TTC23L: variants seen among roughly 807,000 people sequenced by gnomAD.
The protein encoded by TTC23L is tetratricopeptide repeat domain 23 like.
TTC23L carries 42 observed loss-of-function variants against 48.1 expected under a neutral mutation model. The observed-to-expected ratio is 0.87, with a 90% CI of 0.68 to 1.13. TTC23L has a LOEUF of 1.13. Ranked by LOEUF, TTC23L falls within the 50% of genes most tolerant of loss-of-function variation. The pLI is 0.00. For synonymous variants in TTC23L, 159 were observed against 157.2 expected, an observed-to-expected ratio of 1.01 and a Z score of -0.09; for missense variants, 391 against 421.0, an observed-to-expected ratio of 0.93 and a Z score of 0.62.
At chr5:34,844,344 G>C (rs1758936213) in intron 2 of TTC23L, among the ~76,000 whole-genome samples, 2 of 150,114 alleles carry the variant, frequency 1.3e-5, no homozygotes, top group Admixed American at 6.7e-5. Flanking sequence ...TAGAACTCTA[G>C]AAGGATATTA....
the TTC23L span, chr5:34,922,804 C>T: frequency 1.3e-6 from 2 of 1,569,370 alleles, no homozygotes; most frequent in Admixed American, 1.7e-5. Flanking sequence ...GTCTAATTTT[C>T]TTATCTGGCA....
chr5:34,922,563 A>C, the TTC23L span: 1 of 1,609,676 alleles, frequency 6.2e-7, no homozygotes, highest in Non-Finnish European at 8.5e-7. Flanking sequence ...CTCACGGACC[A>C]TCTGCTAAAT....
the TTC23L span, chr5:34,915,253 C>A: frequency 3.3e-6 from 1 of 302,048 alleles, no homozygotes; most frequent in Non-Finnish European, 6.2e-6. Flanking sequence ...CGGTTTTGTG[C>A]AGCCCGCGCC....
the TTC23L span, chr5:34,920,176 C>T: frequency 2.1e-5 from 4 of 189,632 alleles, no homozygotes; most frequent in African/African-American, 9.3e-5. Context: ...AGTAGGTACT[C>T]AAAAAATTAT....
At chr5:34,905,034 C>A in the TTC23L span, among the ~76,000 whole-genome samples, 3 of 152,156 alleles carry the variant, frequency 2.0e-5, no homozygotes, top group Non-Finnish European at 4.4e-5. Context: ...AATCTCTGGA[C>A]GTGACTGAGA....
chr5:34,891,923 C>T (rs1762890166), intron 9 of TTC23L, among the ~76,000 whole-genome samples: 1 of 152,148 alleles, frequency 6.6e-6, no homozygotes, highest in African/African-American at 2.4e-5. Flanking sequence ...ATTTTTCTTT[C>T]TGTAAATTAC....
downstream of TTC23L, among the ~76,000 whole-genome samples, chr5:34,902,964 T>TA (rs796794601): frequency 0.016 from 2,298 of 144,156 alleles, 47 homozygotes; most frequent in Admixed American, 0.049. Context: ...TGACTGACAT[T>TA]AAAAAAAAAA....
intron 8 of TTC23L, among the ~76,000 whole-genome samples, chr5:34,872,391 A>G (rs1168747561): frequency 6.6e-6 from 1 of 152,222 alleles, no homozygotes; most frequent in African/African-American, 2.4e-5. Flanking sequence ...AATTGTCAAA[A>G]TTTTAAAAAA....
chr5:34,880,433 A>G (rs779510692), intron 9 of TTC23L, 125 bp downstream of exon 9: 14 of 1,024,756 alleles, frequency 1.4e-5, no homozygotes, highest in Non-Finnish European at 1.9e-5. Context: ...CAAGAACCAC[A>G]TTGTTTCATT....
the TTC23L span, chr5:34,914,785 G>C: frequency 6.2e-7 from 1 of 1,614,196 alleles, no homozygotes; most frequent in Admixed American, 1.7e-5. Flanking sequence ...CATGTTCTCG[G>C]AAATGAATAG....
At chr5:34,907,341 A>G in the TTC23L span, 2 of 152,222 alleles carry the variant, frequency 1.3e-5, no homozygotes, top group Admixed American at 6.5e-5. Context: ...AGGGCCAGAA[A>G]GGCTAAATGA....
At chr5:34,865,443 C>T (rs1262367272) in intron 6 of TTC23L, among the ~76,000 whole-genome samples, 1 of 152,224 alleles carries the variant, frequency 6.6e-6, no homozygotes, top group Non-Finnish European at 1.5e-5. Flanking sequence ...AAATTACAGT[C>T]TGGTGAATGT....
chr5:34,861,627 A>G (rs1353576863), intron 4 of TTC23L: 1 of 152,234 alleles, frequency 6.6e-6, no homozygotes, highest in Non-Finnish European at 1.5e-5. Context: ...AGGTGCACTT[A>G]GAACACATGA....
chr5:34,891,292 C>T (rs1762852936), intron 9 of TTC23L, among the ~76,000 whole-genome samples: 1 of 152,134 alleles, frequency 6.6e-6, no homozygotes, highest in African/African-American at 2.4e-5. Flanking sequence ...CTGCCTTTTC[C>T]ACTCACAAAG....
chr5:34,884,166 C>G (rs555166183), intron 9 of TTC23L, among the ~76,000 whole-genome samples: 57 of 152,240 alleles, frequency 3.7e-4, no homozygotes, highest in Admixed American at 9.2e-4. Flanking sequence ...AGATGATACT[C>G]TGAGATGCAG....
At chr5:34,879,497 C>G (rs539833696) in intron 8 of TTC23L, among the ~76,000 whole-genome samples, 5 of 152,100 alleles carry the variant, frequency 3.3e-5, no homozygotes, top group Admixed American at 2.6e-4. Flanking sequence ...CCAGCACCCC[C>G]CAAACAGGAA....
downstream of TTC23L, chr5:34,902,470 A>C (rs1763532338): frequency 3.2e-6 from 1 of 309,544 alleles, no homozygotes; most frequent in Non-Finnish European, 6.6e-6. Context: ...TGGGGATCCA[A>C]GTGTATCACT....
chr5:34,851,213 T>A (rs1759649351), intron 4 of TTC23L, among the ~76,000 whole-genome samples: 1 of 152,156 alleles, frequency 6.6e-6, no homozygotes, highest in South Asian at 2.1e-4. Context: ...GGGACCTCAG[T>A]CTGAAGGGGG....
At chr5:34,866,673 G>A (rs1761067214) in intron 6 of TTC23L, among the ~76,000 whole-genome samples, 1 of 152,156 alleles carries the variant, frequency 6.6e-6, no homozygotes, top group African/African-American at 2.4e-5. Flanking sequence ...ACAACAGCAC[G>A]ACATAGTAAT....
Sources: allele counts gnomAD v4.1 joint callset (sites outside exome capture counted in the v4.1 genomes callset), GRCh38; gene constraint gnomAD v4.1.1; transcripts MANE v1.5; gene names NCBI Gene and HGNC (gene_info 2026-07-23, HGNC 2026-07-21).